The following EYS variants were observed in gnomAD, a reference collection of about 807,000 sequenced individuals.
The protein encoded by EYS is EGF-like photoreceptor maintenance factor.
A neutral mutation model predicts 282.1 loss-of-function variants in EYS; 250 were observed. That is an observed-to-expected ratio of 0.89 (90% CI 0.80 to 0.98). The LOEUF (loss-of-function observed/expected upper bound fraction) is 0.98, where lower values mean the gene tolerates loss of function less well. Ranked by LOEUF, EYS falls within the 50% of genes least tolerant of loss-of-function variation. EYS has a pLI of 0.00. For synonymous variants in EYS, 1,355 were observed against 1,282.9 expected (o/e 1.06, Z -1.20); for missense variants, 4,016 against 3,709.0 (o/e 1.08, Z -2.15).
At chr6:64,198,053 C>T (rs887932611) in intron 31 of EYS, among the ~76,000 whole-genome samples, 1 of 151,860 alleles carries the variant, frequency 6.6e-6, no homozygotes, top group South Asian at 2.1e-4. Context: ...AGTGCAGTGG[C>T]GTGATCTCGG....
chr6:65,421,030 T>G (rs555393852), intron 5 of EYS, among the ~76,000 whole-genome samples: 1 of 151,882 alleles, frequency 6.6e-6, no homozygotes, highest in East Asian at 1.9e-4. Context: ...CTAGGATTTT[T>G]GGAATGGAAG....
At chr6:64,325,839 G>T (rs1770399292) in intron 29 of EYS, among the ~76,000 whole-genome samples, 2 of 151,950 alleles carry the variant, frequency 1.3e-5, no homozygotes, top group Non-Finnish European at 2.9e-5. Flanking sequence ...CAAGGTTTTT[G>T]AACTAAATCT....
chr6:64,090,613 A>T (rs987859783), intron 31 of EYS, among the ~76,000 whole-genome samples: 2 of 152,118 alleles, frequency 1.3e-5, no homozygotes, highest in Admixed American at 6.6e-5. Flanking sequence ...GTCCTCAGAA[A>T]ATAACACATT....
chr6:65,180,809 C>T (rs1369325015), intron 12 of EYS, among the ~76,000 whole-genome samples: 3 of 152,124 alleles, frequency 2.0e-5, no homozygotes, highest in Admixed American at 6.6e-5. Flanking sequence ...TCAAACTATA[C>T]TACAAGGCTA....
chr6:64,726,180 C>T (rs1301502246), intron 22 of EYS, among the ~76,000 whole-genome samples: 4 of 152,094 alleles, frequency 2.6e-5, no homozygotes, highest in African/African-American at 7.2e-5. Flanking sequence ...TCTCACTCTT[C>T]TTTTATGAGC....
intron 12 of EYS, among the ~76,000 whole-genome samples, chr6:65,079,113 A>G (rs1774147122): frequency 6.6e-6 from 1 of 152,076 alleles, no homozygotes; most frequent in South Asian, 2.1e-4. Flanking sequence ...ATGCAAGAAT[A>G]GCCTATTACA....
At position 65,475,646 on chromosome 6, in the gene EYS, G is replaced by A. The variant is rs1765373151; in HGVS notation, c.862+14948C>T. On this transcript the variant is annotated intron_variant, in intron 5 of 42. Transcript: ENST00000503581. The stretch of plus-strand genomic sequence containing the variant: ...CTCAGAAAGTCATTGGTCAATAACT[G>A]TTTTAAAATAACTGAAATAAAAATC... Among the ~76,000 whole-genome samples the A allele has an allele frequency of 2.0e-5, 3 of 151,990 alleles. No individual in the cohort carries two copies. The South Asian group carries it at 6.2e-4, about 32-fold the overall frequency.
At chr6:64,062,857 A>T (rs1771226074) in intron 33 of EYS, among the ~76,000 whole-genome samples, 1 of 151,758 alleles carries the variant, frequency 6.6e-6, no homozygotes, top group Non-Finnish European at 1.5e-5. Flanking sequence ...ACCTCTTTTT[A>T]TACTTCCAAA....
rs769610455 is a variant in EYS at position 64,197,153 on chromosome 6, G to A, written c.6424+33439C>T. On this transcript the variant is annotated intron_variant, in intron 31 of 42. Coordinates refer to ENST00000503581, the MANE Select transcript of EYS (RefSeq NM_001142800.2). ...AAATTATTTTTATACTATCTAGGTA[G>A]TGTTAATTTGGGCTGAAAACCTATA... 6.9e-4 allele frequency among the ~76,000 whole-genome samples: 105 copies of A among 152,116 alleles called. 1 individual carries two copies. Among genetic ancestry groups the A allele is most frequent in the Admixed American group, 3.6e-3 (55 of 15,268 alleles).
At position 63,977,203 on chromosome 6, in the gene EYS, G is replaced by A. The variant is rs1197500728; in HGVS notation, c.7055+7180C>T. Among the ~76,000 whole-genome samples, 4 of 151,784 alleles carry A rather than the reference G, an allele frequency of 2.6e-5. No individual in the cohort carries two copies. The South Asian group carries it at 6.2e-4, about 24-fold the overall frequency. The stretch of plus-strand genomic sequence containing the variant: ...AATTTTACATATTTATGGGGTACAT[G>A]TGATATTTTGATACAGGCATACAAT... On this transcript the variant is annotated intron_variant, in intron 35 of 42. Coordinates refer to ENST00000503581, the MANE Select transcript of EYS (RefSeq NM_001142800.2).
At chr6:64,081,346 T>A (rs1218652678) in intron 32 of EYS, among the ~76,000 whole-genome samples, 1 of 152,148 alleles carries the variant, frequency 6.6e-6, no homozygotes, top group South Asian at 2.1e-4. Context: ...TGCATAATAA[T>A]GCAGAGAACT....
intron 13 of EYS, among the ~76,000 whole-genome samples, chr6:65,027,446 A>G (rs1275064434): frequency 6.6e-6 from 1 of 152,202 alleles, no homozygotes; most frequent in African/African-American, 2.4e-5. Flanking sequence ...TTTGTGTACA[A>G]TAAGTTATTA....
intron 37 of EYS, among the ~76,000 whole-genome samples, chr6:63,795,066 A>C (rs529130816): frequency 6.6e-6 from 1 of 152,352 alleles, no homozygotes; most frequent in South Asian, 2.1e-4. Context: ...TCCTTTTAGA[A>C]TGCACAGGAA....
intron 22 of EYS, among the ~76,000 whole-genome samples, chr6:64,697,936 G>A (rs900340804): frequency 6.6e-6 from 1 of 151,606 alleles, no homozygotes; most frequent in Admixed American, 6.6e-5. Context: ...ACAAGACTCC[G>A]TCTCAAAACA....
At chr6:65,417,756 T>C (rs887038442) in intron 5 of EYS, among the ~76,000 whole-genome samples, 3 of 152,058 alleles carry the variant, frequency 2.0e-5, no homozygotes, top group African/African-American at 4.8e-5. Flanking sequence ...ATTGTCGTTA[T>C]GCCTATTATA....
chr6:64,330,290 T>A (rs1481420116), intron 29 of EYS, among the ~76,000 whole-genome samples: 1 of 152,176 alleles, frequency 6.6e-6, no homozygotes, highest in African/African-American at 2.4e-5. Context: ...AGAGACTGTG[T>A]GTGGCATTCC....
intron 31 of EYS, among the ~76,000 whole-genome samples, chr6:64,089,003 T>A (rs2150250258): frequency 6.6e-6 from 1 of 152,120 alleles, no homozygotes; most frequent in South Asian, 2.1e-4. Context: ...GTTTGCTATT[T>A]CTTTATAATG....
At chr6:64,084,924 G>A (rs141327855) in intron 31 of EYS, among the ~76,000 whole-genome samples, 11 of 152,200 alleles carry the variant, frequency 7.2e-5, no homozygotes, top group Admixed American at 1.3e-4. Context: ...TATCTAGTCC[G>A]TGGTAAAGAC....
intron 22 of EYS, among the ~76,000 whole-genome samples, chr6:64,769,192 C>A (rs1001746969): frequency 6.6e-6 from 1 of 152,026 alleles, no homozygotes; most frequent in African/African-American, 2.4e-5. Context: ...AGGCCTAAAT[C>A]ATTTCTTTTT....
Sources: gnomAD v4.1 joint callset for allele counts (sites outside exome capture counted in the v4.1 genomes callset) on GRCh38, gnomAD v4.1.1 for gene constraint, MANE v1.5 for transcripts, NCBI Gene and HGNC (gene_info 2026-07-23, HGNC 2026-07-21) for gene names.